TAF5: variants seen among roughly 807,000 people sequenced by gnomAD.
TAF5 encodes TATA-box binding protein associated factor 5, also known as transcription initiation factor TFIID subunit 5.
In TAF5, 20 loss-of-function variants were observed where a neutral mutation model predicts 80.9. That is an observed-to-expected ratio of 0.25 (90% CI 0.17 to 0.36). The LOEUF (loss-of-function observed/expected upper bound fraction) is 0.36. Among genes scored for constraint, TAF5 ranks in the 10% least tolerant of loss-of-function variants. TAF5 has a pLI of 1.00. For synonymous variants in TAF5, 388 were observed against 406.4 expected, an observed-to-expected ratio of 0.95 and a Z score of 0.55; for missense variants, 863 against 1,029.4, an observed-to-expected ratio of 0.84 and a Z score of 2.21.
rs543478665 is a variant in TAF5, at chr10:103,368,574, A to G, written c.559+26A>G. Reference sequence around the variant, plus strand: ...GTGAGCCGTGGGGTCCCGGGTAGGTACGGCCGCCGCGAAGGGGAGCAAGCC... The same window carrying G: ...GTGAGCCGTGGGGTCCCGGGTAGGTGCGGCCGCCGCGAAGGGGAGCAAGCC... On this transcript the variant is annotated intron_variant, in intron 1 of 10. Coordinates refer to ENST00000369839, the MANE Select transcript of TAF5 (RefSeq NM_006951.5). 1.1e-5 allele frequency: 16 copies of G among 1,454,220 alleles called. No individual in the cohort carries two copies. The African/African-American group carries it at 2.2e-4, about 20-fold the overall frequency. 90.1% of individuals were successfully genotyped at this position (1,454,220 alleles called of 1,614,324 possible).
intron 8 of TAF5, among the ~76,000 whole-genome samples, chr10:103,386,812 C>T (rs1004695734): frequency 7.2e-5 from 11 of 151,900 alleles, no homozygotes; most frequent in South Asian, 4.1e-4. Flanking sequence ...TACAGGCGTG[C>T]GCCACCATGC....
At chr10:103,386,702 T>C (rs1405293596) in intron 8 of TAF5, among the ~76,000 whole-genome samples, 2 of 150,954 alleles carry the variant, frequency 1.3e-5, no homozygotes, top group Admixed American at 6.6e-5. Flanking sequence ...CTCGCTCTGT[T>C]ACCCAGGCTG....
At chr10:103,381,961 C>A in intron 6 of TAF5, 120 bp downstream of exon 6, 2 of 1,392,810 alleles carry the variant, frequency 1.4e-6, no homozygotes, top group African/African-American at 1.4e-5. Flanking sequence ...TACTTTAACT[C>A]AAGATTCTAA....
At position 103,379,542 on chromosome 10, in the gene TAF5, CAA is replaced by C. The variant is rs1382531507; in HGVS notation, c.1114-65_1114-64del. On this transcript the variant is annotated intron_variant, in intron 3 of 10. Coordinates refer to ENST00000369839, the MANE Select transcript of TAF5 (RefSeq NM_006951.5). ...ATTTTGTAATTGTGATTTATCCTATCAAGATGTAAAATGGGTATATTAATGAA... is the reference window on the plus strand; with the variant it reads ...ATTTTGTAATTGTGATTTATCCTATCGATGTAAAATGGGTATATTAATGAA... The C allele has an allele frequency of 1.2e-5, 15 of 1,296,260 alleles. No homozygotes were observed. The African/African-American group carries it at 1.8e-4, about 16-fold the overall frequency. 80.3% of individuals were successfully genotyped at this position (1,296,260 alleles called of 1,614,324 possible).
chr10:103,369,967 A>G (rs1005568064), intron 1 of TAF5, among the ~76,000 whole-genome samples: 6 of 151,948 alleles, frequency 3.9e-5, no homozygotes, highest in African/African-American at 1.5e-4. Context: ...GTCGTGGCTC[A>G]TGCCTGTGAA....
rs544839677 is a variant in TAF5 at position 103,384,863 on chromosome 10, C to A, written c.1665-463C>A. On this transcript the variant is annotated intron_variant, in intron 7 of 10. Transcript: ENST00000369839. ...ATTAGCATGTCTGTAGTTTTTTTTT[C>A]TTTTTCTTCAAAAGACATTTCCTTT... Among the ~76,000 whole-genome samples the A allele has an allele frequency of 6.0e-5, 9 of 151,118 alleles. No individual in the cohort carries two copies. The East Asian group carries it at 1.7e-3, about 29-fold the overall frequency.
intron 1 of TAF5, among the ~76,000 whole-genome samples, chr10:103,372,971 G>A (rs180988096): frequency 1.8e-3 from 276 of 151,844 alleles, no homozygotes; most frequent in Non-Finnish European, 2.7e-3. Context: ...TTGGGAGGCC[G>A]AGGCGGGAGG....
chr10:103,370,640 A>G (rs899044640), intron 1 of TAF5, among the ~76,000 whole-genome samples: 2 of 151,966 alleles, frequency 1.3e-5, no homozygotes, highest in African/African-American at 2.4e-5. Flanking sequence ...TGAGGCACTT[A>G]TAATATCTAT....
At chr10:103,386,788 T>C (rs2093397373) in intron 8 of TAF5, among the ~76,000 whole-genome samples, 2 of 151,812 alleles carry the variant, frequency 1.3e-5, no homozygotes, top group Non-Finnish European at 2.9e-5. Flanking sequence ...CTCAGCTTCC[T>C]GAGTAGCTGG....
chr10:103,368,051 C>A lies in TAF5; in HGVS notation c.62C>A (p.Pro21Gln), dbSNP rs748798733. The A allele has an allele frequency of 2.1e-6, 3 of 1,442,372 alleles. No homozygotes were observed. In the South Asian group the frequency reaches 4.1e-5, roughly 20 times the overall value. The allele number at this position is 1,442,372 out of a possible 1,614,324, so 89.3% of individuals were successfully genotyped here. ...GTCAAGCTAGAGCCTGAGGGACCGC[C>A]AACGCTGCTACCTCCGCAGGCGGGG... is the stretch of plus-strand genomic sequence containing the variant. ...VAVKLEPEGP[P>Q]TLLPPQAGDG... The change falls in exon 1 of 11, where the codon CCA becomes CAA. Residue 21 changes from proline (P) to glutamine (Q), a missense_variant. Around this residue, in one of 3 missense-constraint regions of TAF5, gnomAD observed 367 missense variants for 335.5 expected, o/e 1.09. Transcript: ENST00000369839.
intron 6 of TAF5, among the ~76,000 whole-genome samples, chr10:103,382,214 G>GT (rs1387844113): frequency 3.3e-5 from 5 of 152,086 alleles, no homozygotes; most frequent in African/African-American, 1.2e-4. Context: ...TTATTTGAAA[G>GT]TTTTTTACTT....
chr10:103,382,801 CCA>C (rs1420533267), intron 6 of TAF5, among the ~76,000 whole-genome samples: 2 of 151,856 alleles, frequency 1.3e-5, no homozygotes, highest in South Asian at 4.2e-4. Context: ...GTGTGTGCAA[CCA>C]CACTGGCTAA....
In TAF5 at chr10:103,388,187, C is replaced by T; in HGVS notation, c.2367C>T (p.Asn789=). Residue 789 remains asparagine (N), a synonymous_variant, in exon 11 of 11, where the codon AAC becomes AAT. Coordinates refer to ENST00000369839, the MANE Select transcript of TAF5 (RefSeq NM_006951.5). The stretch of plus-strand genomic sequence containing the variant: ...TACACCTTCATTTTACTCGAAGAAA[C>T]CTGGTTCTAGCTGCAGGAGCTTATA... The part of the protein sequence containing the change: ...PVVHLHFTRR[N]LVLAAGAYSP... The T allele has an allele frequency of 1.2e-6, 2 of 1,613,986 alleles. No homozygotes were observed. Among genetic ancestry groups the T allele is most frequent in the Non-Finnish European group, 1.7e-6 (2 of 1,179,966 alleles).
Position 103,388,038 on chromosome 10 carries a change from G to C in TAF5, c.2218G>C (p.Ala740Pro), listed in dbSNP as rs1192423791. ...GGATAATACAGTTCGATTATGGGAT[G>C]CTATCAAAGCCTTTGAAGATTTAGA... ...SMDNTVRLWD[A>P]IKAFEDLETD... Residue 740 changes from alanine to proline, a missense_variant, in exon 11 of 11, where the codon GCT becomes CCT. Coordinates refer to ENST00000369839, the MANE Select transcript of TAF5 (RefSeq NM_006951.5). 6.2e-7 allele frequency: 1 copy of C among 1,614,058 alleles called. No individual in the cohort carries two copies.
Position 103,373,523 on chromosome 10 carries a change from C to T in TAF5, c.725C>T (p.Pro242Leu). 3.1e-6 allele frequency: 5 copies of T among 1,614,108 alleles called. No homozygotes were observed. The highest frequency in any genetic ancestry group is 4.2e-6 in the Non-Finnish European group (5 of 1,180,030). Reference sequence around the variant, plus strand: ...GCAGAGTTGTCCCAACTTTTTTATCCTCTGTTTGTGCACATGTACTTGGAG... The same window carrying T: ...GCAGAGTTGTCCCAACTTTTTTATCTTCTGTTTGTGCACATGTACTTGGAG... Reference protein sequence around the residue: ...HRAELSQLFYPLFVHMYLELV... With the variant: ...HRAELSQLFYLLFVHMYLELV... Residue 242 changes from proline to leucine, a missense_variant, in exon 2 of 11, where the codon CCT becomes CTT. Physicochemically the swap from Pro to Leu is moderately conservative, Grantham distance 98. Coordinates refer to ENST00000369839, the MANE Select transcript of TAF5 (RefSeq NM_006951.5).
Position 103,388,374 on chromosome 10 carries a change from G to C in TAF5, c.*151G>C. The C allele has an allele frequency of 1.5e-6, 1 of 658,628 alleles. No individual in the cohort carries two copies. The highest frequency in any genetic ancestry group is 2.5e-6 in the Non-Finnish European group (1 of 396,586). 40.8% of individuals were successfully genotyped at this position (658,628 alleles called of 1,614,324 possible). ...TGCTTGGAAAAATCTGAACAGGACA[G>C]TTCCACGTTTCTATAGCAACCACAT... On this transcript the variant is annotated 3_prime_UTR_variant, in exon 11 of 11. Transcript: ENST00000369839.
chr10:103,380,143 T>TC, intron 5 of TAF5, 124 bp downstream of exon 5: 1 of 1,219,138 alleles, frequency 8.2e-7, no homozygotes, highest in East Asian at 2.4e-5. Context: ...TTTTTTTTTT[T>TC]TTCTGAGACA....
intron 2 of TAF5, among the ~76,000 whole-genome samples, chr10:103,376,720 A>C (rs1418033674): frequency 6.6e-6 from 1 of 152,188 alleles, no homozygotes; most frequent in Admixed American, 6.6e-5. Flanking sequence ...TAGCCTGGGC[A>C]AAAGAACGAG....
chr10:103,386,274 A>G (rs1399959673), intron 8 of TAF5, among the ~76,000 whole-genome samples: 1 of 151,696 alleles, frequency 6.6e-6, no homozygotes, highest in African/African-American at 2.4e-5. Flanking sequence ...CCCCGTCTCT[A>G]CTGAAAAAAA....
Sources: gnomAD v4.1 joint callset for allele counts (sites outside exome capture counted in the v4.1 genomes callset) on GRCh38, gnomAD v4.1.1 for gene constraint, gnomAD v4.1.1 regional missense constraint, MANE v1.5 for transcripts, NCBI Gene and HGNC (gene_info 2026-07-23, HGNC 2026-07-21) for gene names.